SPRED1: variants seen among roughly 807,000 people sequenced by gnomAD.
The protein encoded by SPRED1 is sprouty-related, EVH1 domain-containing protein 1.
Under a neutral mutation model 52.3 loss-of-function variants are expected in SPRED1, and 18 were observed. That is an observed-to-expected ratio of 0.34 (90% CI 0.24 to 0.51). SPRED1 has a LOEUF of 0.51. Among genes scored for constraint, SPRED1 ranks in the 20% least tolerant of loss-of-function variants. The pLI is 0.97. For synonymous variants in SPRED1, 155 were observed against 179.7 expected (o/e 0.86, Z 1.10); for missense variants, 485 against 551.0 (o/e 0.88, Z 1.20).
rs1387368868 is a variant in SPRED1, at chr15:38,297,693, TG to T, written c.33-1679del. 2.8e-3 allele frequency among the ~76,000 whole-genome samples: 432 copies of T among 151,630 alleles called. 2 individuals are homozygous for T. Among genetic ancestry groups the T allele is most frequent in the African/African-American group, 9.9e-3 (411 of 41,334 alleles). ...GAAAATTCAATTATTTCCCAGATCC[TG>T]ATTTTGAATTACCAGGATGGTAGTG... On this transcript the variant is annotated intron_variant, in intron 1 of 6. Transcript: ENST00000299084.
chr15:38,253,275 T>TC (rs1199683532), intron 1 of SPRED1, 58 bp downstream of exon 1: 1 of 1,520,080 alleles, frequency 6.6e-7, no homozygotes, highest in Non-Finnish European at 8.9e-7. Flanking sequence ...CCCTCGGCTC[T>TC]CCCCCAGACC....
At chr15:38,337,471 A>G (rs901045218) in intron 4 of SPRED1, among the ~76,000 whole-genome samples, 1 of 152,212 alleles carries the variant, frequency 6.6e-6, no homozygotes, top group South Asian at 2.1e-4. Flanking sequence ...CTATAAATTC[A>G]CTGTGCGATA....
intron 2 of SPRED1, among the ~76,000 whole-genome samples, chr15:38,311,370 C>T (rs1242718595): frequency 1.3e-5 from 2 of 152,086 alleles, no homozygotes; most frequent in Admixed American, 6.6e-5. Flanking sequence ...AGATAATAGT[C>T]TGTAGGTCGG....
intron 2 of SPRED1, among the ~76,000 whole-genome samples, chr15:38,310,146 TGTGTG>T (rs1566863203): frequency 2.2e-5 from 3 of 137,204 alleles, no homozygotes; most frequent in East Asian, 2.3e-4. Flanking sequence ...TGTGTGTGTG[TGTGTG>T]TGTTTGGAGA....
intron 1 of SPRED1, among the ~76,000 whole-genome samples, chr15:38,277,028 C>G (rs1894570198): frequency 6.6e-6 from 1 of 152,056 alleles, no homozygotes. Context: ...AGTTTGGGGT[C>G]TATCTTTATA....
At chr15:38,315,322 A>G (rs972889158) in intron 2 of SPRED1, among the ~76,000 whole-genome samples, 5 of 151,972 alleles carry the variant, frequency 3.3e-5, no homozygotes, top group African/African-American at 9.7e-5. Flanking sequence ...ATAATTATCT[A>G]CTCGTAAGAT....
At chr15:38,344,693 T>C (rs1256917135) in intron 5 of SPRED1, among the ~76,000 whole-genome samples, 6 of 152,162 alleles carry the variant, frequency 3.9e-5, no homozygotes, top group Non-Finnish European at 5.9e-5. Context: ...TGGAATAATA[T>C]CGGTATCTAC....
rs986755544 is a variant in SPRED1 at position 38,333,018 on chromosome 15, C to T, written c.424-6719C>T. Among the ~76,000 whole-genome samples, 4 of 152,212 alleles carry T rather than the reference C, an allele frequency of 2.6e-5. No homozygotes were observed. In the South Asian group the frequency reaches 8.3e-4, roughly 32 times the overall value. ...GGCACTAATCACATTCATGAGGGCT[C>T]TACCTTCCTAATTGAATCATAGCCC... On this transcript the variant is annotated intron_variant, in intron 4 of 6. Coordinates refer to ENST00000299084, the MANE Select transcript of SPRED1 (RefSeq NM_152594.3).
chr15:38,274,257 G>A (rs915765645), intron 1 of SPRED1, among the ~76,000 whole-genome samples: 3 of 152,126 alleles, frequency 2.0e-5, no homozygotes, highest in African/African-American at 7.2e-5. Context: ...CTACATGTAG[G>A]ACCAGTTAAC....
At chr15:38,282,253 T>C (rs536276068) in intron 1 of SPRED1, among the ~76,000 whole-genome samples, 20 of 152,062 alleles carry the variant, frequency 1.3e-4, no homozygotes, top group African/African-American at 4.6e-4. Context: ...GGCCGGTGGA[T>C]CACTTGAGGT....
intron 2 of SPRED1, among the ~76,000 whole-genome samples, chr15:38,321,847 G>A (rs1201473828): frequency 3.3e-5 from 5 of 151,962 alleles, no homozygotes; most frequent in Admixed American, 6.6e-5. Flanking sequence ...CGCCCGCCTC[G>A]GCCTCCCAAA....
At chr15:38,277,865 A>G (rs1894591556) in intron 1 of SPRED1, among the ~76,000 whole-genome samples, 1 of 150,724 alleles carries the variant, frequency 6.6e-6, no homozygotes, top group Admixed American at 6.6e-5. Flanking sequence ...ATGATTAGTG[A>G]TGTTGAGCAT....
intron 2 of SPRED1, among the ~76,000 whole-genome samples, chr15:38,309,597 A>T (rs1009641402): frequency 4.6e-5 from 7 of 152,196 alleles, no homozygotes; most frequent in African/African-American, 1.2e-4. Flanking sequence ...TTAAATTGTG[A>T]TAAGGTCCCA....
At chr15:38,311,118 A>G (rs993765463) in intron 2 of SPRED1, among the ~76,000 whole-genome samples, 2 of 151,964 alleles carry the variant, frequency 1.3e-5, no homozygotes, top group East Asian at 3.9e-4. Context: ...AGATAATTCT[A>G]CTCTTGCTAA....
chr15:38,311,010 T>C (rs946740252), intron 2 of SPRED1, among the ~76,000 whole-genome samples: 1 of 152,210 alleles, frequency 6.6e-6, no homozygotes, highest in Non-Finnish European at 1.5e-5. Context: ...GTAGAGTACA[T>C]CCTTGCCTTG....
intron 1 of SPRED1, chr15:38,298,500 G>T (rs1352846650): frequency 2.2e-5 from 7 of 317,660 alleles, no homozygotes; most frequent in Non-Finnish European, 3.0e-5. Flanking sequence ...TCAATTAGAG[G>T]ACTACTTAGT....
chr15:38,301,874 ATTT>A (rs67902425), intron 2 of SPRED1, among the ~76,000 whole-genome samples: 6 of 150,962 alleles, frequency 4.0e-5, no homozygotes, highest in African/African-American at 7.4e-5. Context: ...TAGTTTCTTG[ATTT>A]TTTTTTTTAA....
At chr15:38,324,078 A>T (rs1595747707) in intron 3 of SPRED1, among the ~76,000 whole-genome samples, 1 of 152,190 alleles carries the variant, frequency 6.6e-6, no homozygotes. Context: ...ACCTTCTGTG[A>T]CAAAAAGATA....
chr15:38,334,835 G>T (rs1448249235), intron 4 of SPRED1, among the ~76,000 whole-genome samples: 2 of 150,480 alleles, frequency 1.3e-5, no homozygotes, highest in Non-Finnish European at 3.0e-5. Context: ...GTGTGTGTGT[G>T]TATCTGTATA....
Sources: gnomAD v4.1 joint callset for allele counts (sites outside exome capture counted in the v4.1 genomes callset) on GRCh38, gnomAD v4.1.1 for gene constraint, MANE v1.5 for transcripts, NCBI Gene and HGNC (gene_info 2026-07-23, HGNC 2026-07-21) for gene names.